PCDH15: variants seen among roughly 807,000 people sequenced by gnomAD.
PCDH15 encodes the protein protocadherin related 15.
Under a neutral mutation model 178.5 loss-of-function variants are expected in PCDH15, and 129 were observed. The ratio of observed to expected loss-of-function variants is 0.72; its 90% CI spans 0.63 to 0.84. PCDH15 has a LOEUF of 0.84. Ranked by LOEUF, PCDH15 falls within the 40% of genes least tolerant of loss-of-function variation. The probability of loss-of-function intolerance (pLI) is 0.00; values close to 1 mark genes in which losing one functional copy is unlikely to be tolerated. For missense variants in PCDH15, 2,230 were observed against 2,099.9 expected (o/e 1.06, Z -1.21); for synonymous variants, 800 against 732.0 (o/e 1.09, Z -1.50).
intron 2 of PCDH15, among the ~76,000 whole-genome samples, chr10:55,598,694 G>A (rs1203631501): frequency 1.3e-5 from 2 of 151,688 alleles, no homozygotes; most frequent in Non-Finnish European, 2.9e-5. Flanking sequence ...AGAGGATTTA[G>A]TAGTAAATCA....
At chr10:54,099,680 G>A (rs1209529450) in intron 15 of PCDH15, among the ~76,000 whole-genome samples, 1 of 151,506 alleles carries the variant, frequency 6.6e-6, no homozygotes, top group Non-Finnish European at 1.5e-5. Context: ...GAATTAAATA[G>A]ACAAAAACAA....
rs1458366875 is a variant in PCDH15 at position 53,958,179 on chromosome 10, GT to G, written c.3122+1552del. Among the ~76,000 whole-genome samples the G allele has an allele frequency of 3.3e-5, 5 of 152,190 alleles. No homozygotes were observed. In the East Asian group the frequency reaches 7.7e-4, roughly 24 times the overall value. On this transcript the variant is annotated intron_variant, in intron 23 of 37. Transcript: ENST00000644397. ...TAAAGTCATCCTAGAACATGATCAA[GT>G]TCTCCATTACCTGAAATATTCATTT...
chr10:54,506,887 A>T (rs2081214707), intron 3 of PCDH15, among the ~76,000 whole-genome samples: 1 of 152,056 alleles, frequency 6.6e-6, no homozygotes, highest in Admixed American at 6.6e-5. Flanking sequence ...AAAAAAACAA[A>T]TATGTATTCA....
intron 11 of PCDH15, 63 bp from the exon 12 acceptor site, chr10:54,185,331 C>G: frequency 1.3e-6 from 2 of 1,580,832 alleles, no homozygotes; most frequent in Non-Finnish European, 1.7e-6. Context: ...AGTTCATTAC[C>G]TAGAAGTTAA....
At chr10:55,613,873 C>T (rs900713658) in intron 2 of PCDH15, among the ~76,000 whole-genome samples, 2 of 152,038 alleles carry the variant, frequency 1.3e-5, no homozygotes, top group African/African-American at 2.4e-5. Flanking sequence ...CTTTGGGATG[C>T]CGAGGCGGGT....
chr10:54,979,152 C>T (rs541792169), intron 2 of PCDH15, among the ~76,000 whole-genome samples: 1 of 152,014 alleles, frequency 6.6e-6, no homozygotes, highest in Non-Finnish European at 1.5e-5. Flanking sequence ...TACTCTCAAG[C>T]AAGACACTGC....
chr10:54,546,557 A>G (rs1338209990), intron 2 of PCDH15, among the ~76,000 whole-genome samples: 2 of 152,196 alleles, frequency 1.3e-5, no homozygotes, highest in African/African-American at 4.8e-5. Context: ...AAAACATGAC[A>G]AACACAATTT....
intron 1 of PCDH15, among the ~76,000 whole-genome samples, chr10:55,314,579 CA>C (rs35643186): frequency 3.4e-5 from 5 of 148,506 alleles, no homozygotes; most frequent in Middle Eastern, 3.4e-3. Context: ...GCTCTCTAAA[CA>C]AAAAAAAAAA....
chr10:54,019,609 TG>T (rs1372803482), intron 20 of PCDH15, among the ~76,000 whole-genome samples: 3 of 152,110 alleles, frequency 2.0e-5, no homozygotes, highest in African/African-American at 7.2e-5. Context: ...AAGTTAAAAA[TG>T]CCATGCTCTT....
intron 5 of PCDH15, among the ~76,000 whole-genome samples, chr10:54,355,136 A>AG (rs947472300): frequency 6.6e-6 from 1 of 151,084 alleles, no homozygotes; most frequent in African/African-American, 2.4e-5. Flanking sequence ...AAAAAAAAAA[A>AG]AAAAAAAAAA....
At chr10:54,116,424 G>A (rs575071933) in intron 15 of PCDH15, among the ~76,000 whole-genome samples, 26 of 152,218 alleles carry the variant, frequency 1.7e-4, no homozygotes, top group East Asian at 1.5e-3. Flanking sequence ...GAAGGTTTAC[G>A]GGACCAAGAG....
intron 14 of PCDH15, among the ~76,000 whole-genome samples, chr10:54,141,857 T>TA (rs1231633974): frequency 1.3e-5 from 2 of 152,194 alleles, no homozygotes; most frequent in Admixed American, 1.3e-4. Context: ...AAGTAAATCT[T>TA]AGAAATGTGT....
chr10:54,732,246 A>T (rs1392138784), intron 1 of PCDH15, among the ~76,000 whole-genome samples: 1 of 151,394 alleles, frequency 6.6e-6, no homozygotes, highest in East Asian at 1.9e-4. Context: ...GATCGGGGGC[A>T]TATCACATTA....
chr10:54,285,662 G>C (rs1469279779), intron 8 of PCDH15, among the ~76,000 whole-genome samples: 1 of 152,064 alleles, frequency 6.6e-6, no homozygotes, highest in Non-Finnish European at 1.5e-5. Flanking sequence ...CAATATGGAG[G>C]TTCCTCTAAA....
chr10:54,763,010 A>C (rs918047704), intron 1 of PCDH15, among the ~76,000 whole-genome samples: 12 of 152,154 alleles, frequency 7.9e-5, no homozygotes, highest in African/African-American at 2.9e-4. Flanking sequence ...CTTGCAGTTA[A>C]TCCCTGATTA....
At chr10:55,089,987 G>T (rs1476523495) in intron 2 of PCDH15, among the ~76,000 whole-genome samples, 2 of 151,932 alleles carry the variant, frequency 1.3e-5, no homozygotes, top group Non-Finnish European at 2.9e-5. Flanking sequence ...ATTTAATAAT[G>T]GAGGTTATTA....
intron 3 of PCDH15, among the ~76,000 whole-genome samples, chr10:54,432,303 A>C (rs545573924): frequency 7.9e-5 from 12 of 152,008 alleles, no homozygotes; most frequent in African/African-American, 2.9e-4. Context: ...AAACCTGGAG[A>C]AATCACATTA....
chr10:54,331,209 A>G (rs1476547226), intron 6 of PCDH15, among the ~76,000 whole-genome samples: 1 of 151,680 alleles, frequency 6.6e-6, no homozygotes, highest in Admixed American at 6.6e-5. Context: ...GGCTCAATCA[A>G]TGAAATGTGT....
At chr10:54,096,934 T>G (rs2136113626) in intron 15 of PCDH15, among the ~76,000 whole-genome samples, 1 of 152,336 alleles carries the variant, frequency 6.6e-6, no homozygotes, top group East Asian at 1.9e-4. Context: ...TGTTTCCAGT[T>G]ACTCAAGCTG....
Sources: allele counts gnomAD v4.1 joint callset (sites outside exome capture counted in the v4.1 genomes callset), GRCh38; gene constraint gnomAD v4.1.1; transcripts MANE v1.5; gene names NCBI Gene and HGNC (gene_info 2026-07-23, HGNC 2026-07-21).